Variants in ALMS1 observed in about 807,000 individuals in gnomAD.
The protein encoded by ALMS1 is centrosome-associated protein ALMS1.
In ALMS1, 271 loss-of-function variants were observed where a neutral mutation model predicts 352.2. The observed-to-expected ratio is 0.77, with a 90% confidence interval of 0.70 to 0.85. ALMS1 has a LOEUF of 0.85. Ranked by LOEUF, ALMS1 falls within the 40% of genes least tolerant of loss-of-function variation. The pLI, the probability that ALMS1 is intolerant of heterozygous loss-of-function variation, is 0.00. For missense variants in ALMS1, 5,445 were observed against 4,870.7 expected (o/e 1.12, Z -3.51); for synonymous variants, 1,865 against 1,761.2 (o/e 1.06, Z -1.48).
chr2:73,545,541 C>G (rs769253113), intron 12 of ALMS1, among the ~76,000 whole-genome samples: 8 of 152,226 alleles, frequency 5.3e-5, no homozygotes, highest in Non-Finnish European at 8.8e-5. Context: ...TACCAAAAAT[C>G]TTAATTGAAT....
intron 9 of ALMS1, among the ~76,000 whole-genome samples, chr2:73,462,977 A>C (rs1044902411): frequency 6.6e-6 from 1 of 152,172 alleles, no homozygotes; most frequent in Non-Finnish European, 1.5e-5. Flanking sequence ...GTGACCTACA[A>C]AGAGACTTAG....
Position 73,450,584 on chromosome 2 carries a change from C to A in ALMS1, c.4057C>A (p.Pro1353Thr), listed in dbSNP as rs1005994594. The A allele has an allele frequency of 8.1e-6, 13 of 1,611,998 alleles. No individual in the cohort carries two copies. The highest frequency in any genetic ancestry group is 1.7e-5 in the Admixed American group (1 of 59,766). ...FYQQVLPHSH[P>T]TEEALKISVA... Reference sequence around the variant, plus strand: ...CCAACAGGTCTTGCCACATAGTCATCCAACTGAAGAGGCTCTGAAAATTTC... The same window carrying A: ...CCAACAGGTCTTGCCACATAGTCATACAACTGAAGAGGCTCTGAAAATTTC... Residue 1353 changes from proline (P) to threonine (T), a missense_variant, in exon 8 of 23, where the codon CCA becomes ACA. Coordinates refer to ENST00000613296, the MANE Select transcript of ALMS1 (RefSeq NM_001378454.1).
At position 73,403,587 on chromosome 2, in the gene ALMS1, A is replaced by G. The variant is rs144595988; in HGVS notation, c.325-5035A>G. Among the ~76,000 whole-genome samples the G allele has an allele frequency of 4.6e-3, 700 of 152,078 alleles. 6 individuals carry two copies. Among genetic ancestry groups the G allele is most frequent in the African/African-American group, 0.016 (654 of 41,500 alleles). On this transcript the variant is annotated intron_variant, in intron 1 of 22. Transcript: ENST00000613296. The stretch of plus-strand genomic sequence containing the variant: ...TGAAAAATGCCATTGGCATTTTCAT[A>G]AGGATTGTGTTGACTTTGTATTGCT...
At chr2:73,408,230 G>A (rs998535895) in intron 1 of ALMS1, among the ~76,000 whole-genome samples, 4 of 152,198 alleles carry the variant, frequency 2.6e-5, no homozygotes, top group African/African-American at 4.8e-5. Flanking sequence ...GTAGGAGAGC[G>A]CTGCTCCAAC....
chr2:73,442,241 A>G (rs1286653508), intron 7 of ALMS1, among the ~76,000 whole-genome samples: 1 of 152,158 alleles, frequency 6.6e-6, no homozygotes, highest in African/African-American at 2.4e-5. Flanking sequence ...TCATTAGAGC[A>G]TTTTGGATTT....
chr2:73,425,744 A>G (rs1269382465), intron 5 of ALMS1, among the ~76,000 whole-genome samples: 2 of 152,176 alleles, frequency 1.3e-5, no homozygotes, highest in Non-Finnish European at 2.9e-5. Flanking sequence ...TCTTTATTTG[A>G]TAGGCTTAAA....
chr2:73,550,370 C>T lies in ALMS1; in HGVS notation c.10011C>T (p.Tyr3337=), dbSNP rs757671067. The T allele has an allele frequency of 4.3e-6, 7 of 1,614,018 alleles. No individual in the cohort carries two copies. In the South Asian group the frequency reaches 6.6e-5, roughly 15 times the overall value. The change falls in exon 13 of 23, where the codon TAC becomes TAT. Residue 3337 remains tyrosine, a synonymous_variant. Transcript: ENST00000613296. The stretch of plus-strand genomic sequence containing the variant: ...ACATTAAACATAAAGAAGGAATCTA[C>T]AGTAAGAGGGTAGTGACTAAGGCAT... The part of the protein sequence containing the change: ...TVNIKHKEGI[Y]SKRVVTKASL...
intron 9 of ALMS1, among the ~76,000 whole-genome samples, chr2:73,461,706 C>CA (rs925219536): frequency 4.0e-5 from 6 of 151,804 alleles, no homozygotes; most frequent in African/African-American, 9.7e-5. Context: ...TAAAAACTTT[C>CA]AAAAAAATTA....
chr2:73,529,124 G>C lies in ALMS1; in HGVS notation c.9782-5700G>C, dbSNP rs960019152. Among the ~76,000 whole-genome samples the C allele has an allele frequency of 4.2e-5, 6 of 144,332 alleles. No individual in the cohort carries two copies. In the South Asian group the frequency reaches 1.4e-3, roughly 33 times the overall value. The allele number at this position is 144,332 out of a possible 152,430, so 94.7% of individuals were successfully genotyped here. ...AGTGGTGCAGTCTCAGCTCACTGCA[G>C]CCTCTGCCGCCTGGGTTCAAGCAAT... is the stretch of plus-strand genomic sequence containing the variant. On this transcript the variant is annotated intron_variant, in intron 11 of 22. Coordinates refer to ENST00000613296, the MANE Select transcript of ALMS1 (RefSeq NM_001378454.1).
chr2:73,584,745 A>G (rs998592350), intron 16 of ALMS1, among the ~76,000 whole-genome samples: 2 of 152,162 alleles, frequency 1.3e-5, no homozygotes, highest in South Asian at 2.1e-4. Context: ...AGCAGTATAC[A>G]CTGCACCTAA....
At chr2:73,510,653 C>T (rs1308154279) in intron 10 of ALMS1, among the ~76,000 whole-genome samples, 1 of 152,182 alleles carries the variant, frequency 6.6e-6, no homozygotes, top group African/African-American at 2.4e-5. Context: ...TCTGTCGACC[C>T]CTGCTGGTAG....
In ALMS1 at chr2:73,448,776, C is replaced by T. The variant is rs2103774445; in HGVS notation, c.2249C>T (p.Ala750Val). 6.2e-7 allele frequency: 1 copy of T among 1,614,118 alleles called. No individual in the cohort carries two copies. The highest frequency in any genetic ancestry group is 1.1e-5 in the South Asian group (1 of 91,082). ...AAAGTTTCAGCCACTCCTGGACCAG[C>T]TGACCAGAAGACTGAGATACCAGCA... ...LTKVSATPGP[A>V]DQKTEIPAVQ... Residue 750 changes from alanine (A) to valine (V), a missense_variant, in exon 8 of 23, where the codon GCT becomes GTT. Ala to Val is a moderately conservative substitution (Grantham distance 64). Transcript: ENST00000613296.
chr2:73,566,231 CT>C lies in ALMS1; in HGVS notation c.10385-6029del, dbSNP rs1674797858. The stretch of plus-strand genomic sequence containing the variant: ...ATAAATGATAAATAAGAAATTTCAT[CT>C]TCTTAAAGAAAACACTTTACAGCTT... On this transcript the variant is annotated intron_variant, in intron 15 of 22. Transcript: ENST00000613296. Among the ~76,000 whole-genome samples, 3 of 152,208 alleles carry C rather than the reference CT, an allele frequency of 2.0e-5. No homozygotes were observed. In the South Asian group the frequency reaches 6.2e-4, roughly 32 times the overall value.
At chr2:73,403,543 A>AT (rs1301256201) in intron 1 of ALMS1, among the ~76,000 whole-genome samples, 13 of 150,822 alleles carry the variant, frequency 8.6e-5, no homozygotes, top group South Asian at 2.1e-4. Context: ...TGAATTTTAG[A>AT]TTTTTTTTTC....
At chr2:73,433,803 A>G (rs973863710) in intron 7 of ALMS1, among the ~76,000 whole-genome samples, 1 of 152,148 alleles carries the variant, frequency 6.6e-6, no homozygotes, top group Non-Finnish European at 1.5e-5. Context: ...CCATAAGTCT[A>G]TTTAGATTTT....
intron 9 of ALMS1, among the ~76,000 whole-genome samples, chr2:73,456,538 G>A (rs1205891616): frequency 1.3e-5 from 2 of 152,144 alleles, no homozygotes; most frequent in South Asian, 2.1e-4. Context: ...GTAACTGGCA[G>A]CTATTATTAC....
intron 16 of ALMS1, among the ~76,000 whole-genome samples, chr2:73,590,660 T>A (rs1242990229): frequency 1.3e-5 from 2 of 151,160 alleles, no homozygotes; most frequent in African/African-American, 2.4e-5. Flanking sequence ...GCTGTTTTTT[T>A]AAATTCTGTT....
At chr2:73,530,028 G>C (rs150070210) in intron 11 of ALMS1, among the ~76,000 whole-genome samples, 1 of 152,242 alleles carries the variant, frequency 6.6e-6, no homozygotes, top group East Asian at 1.9e-4. Flanking sequence ...TTTGAGATGA[G>C]ATTTGGCTAG....
chr2:73,560,997 G>T (rs1454742626), intron 15 of ALMS1, among the ~76,000 whole-genome samples: 1 of 152,194 alleles, frequency 6.6e-6, no homozygotes, highest in Non-Finnish European at 1.5e-5. Context: ...TCACAAAAGG[G>T]GATGGGCTAG....
Sources: allele counts gnomAD v4.1 joint callset (sites outside exome capture counted in the v4.1 genomes callset), GRCh38; gene constraint gnomAD v4.1.1; transcripts MANE v1.5; gene names NCBI Gene and HGNC (gene_info 2026-07-23, HGNC 2026-07-21).